The following USH2A variants were observed in gnomAD, a reference collection of about 807,000 sequenced individuals.
The protein encoded by USH2A is usherin, also known as Usher syndrome 2A (autosomal recessive, mild).
In USH2A, 443 loss-of-function variants were observed where a neutral mutation model predicts 538.9. The observed-to-expected ratio is 0.82, with a 90% confidence interval of 0.76 to 0.89. The LOEUF is 0.89. Among genes scored for constraint, USH2A ranks in the 40% least tolerant of loss-of-function variants. USH2A has a pLI of 0.00. For synonymous variants in USH2A, 2,413 were observed against 2,273.5 expected (o/e 1.06, Z -1.75); for missense variants, 6,633 against 6,324.8 (o/e 1.05, Z -1.65).
intron 49 of USH2A, among the ~76,000 whole-genome samples, chr1:215,806,854 G>C (rs969863072): frequency 2.6e-5 from 4 of 151,960 alleles, no homozygotes; most frequent in Non-Finnish European, 5.9e-5. Context: ...TCTATACTTA[G>C]CATTTTTTTC....
At chr1:215,767,988 A>T (rs1177505503) in intron 55 of USH2A, among the ~76,000 whole-genome samples, 1 of 152,128 alleles carries the variant, frequency 6.6e-6, no homozygotes, top group Non-Finnish European at 1.5e-5. Context: ...GAATCCAATG[A>T]TTGTTATGCT....
At chr1:216,200,495 A>T (rs1040048911) in intron 16 of USH2A, among the ~76,000 whole-genome samples, 4 of 152,202 alleles carry the variant, frequency 2.6e-5, no homozygotes, top group Non-Finnish European at 5.9e-5. Flanking sequence ...ACACCAGACT[A>T]AGGGTCAGTA....
At chr1:216,192,679 G>T (rs907390593) in intron 19 of USH2A, among the ~76,000 whole-genome samples, 8 of 152,032 alleles carry the variant, frequency 5.3e-5, no homozygotes, top group African/African-American at 1.9e-4. Flanking sequence ...TCAAGCCTGG[G>T]TGACAGAGCG....
chr1:216,094,060 G>GT (rs200517171), intron 22 of USH2A, among the ~76,000 whole-genome samples: 1,597 of 152,110 alleles, frequency 0.01, 28 homozygotes, highest in African/African-American at 0.037. Flanking sequence ...CCTGTGATTA[G>GT]TTTTTTTTCC....
At position 216,198,218 on chromosome 1, in the gene USH2A, C is replaced by T. The variant is rs1397082894; in HGVS notation, c.4081+97G>A. The T allele has an allele frequency of 3.8e-6, 6 of 1,570,694 alleles. No homozygotes were observed. In the Admixed American group the frequency reaches 8.8e-5, roughly 23 times the overall value. ...GGTCTATGGAAGTTTCTAATTCTTG[C>T]TTTTCAAAATGTACTTTCACAGTAC... On this transcript the variant is annotated intron_variant, in intron 18 of 71. Coordinates refer to ENST00000307340, the MANE Select transcript of USH2A (RefSeq NM_206933.4).
chr1:215,767,586 A>G (rs979873183), intron 55 of USH2A, among the ~76,000 whole-genome samples: 11 of 152,192 alleles, frequency 7.2e-5, no homozygotes, highest in African/African-American at 2.7e-4. Context: ...GTAATTGTTC[A>G]GTAAGTTTTC....
chr1:216,155,141 T>C (rs1170468617), intron 21 of USH2A, among the ~76,000 whole-genome samples: 1 of 152,150 alleles, frequency 6.6e-6, no homozygotes, highest in African/African-American at 2.4e-5. Flanking sequence ...TCCTGGACAC[T>C]GGGAGAAATT....
intron 44 of USH2A, among the ~76,000 whole-genome samples, chr1:215,864,092 C>T (rs576231069): frequency 4.6e-5 from 7 of 152,246 alleles, no homozygotes; most frequent in African/African-American, 1.7e-4. Flanking sequence ...CACTGTACTC[C>T]CTTTGGTAGG....
At chr1:215,881,461 G>A (rs183205431) in intron 41 of USH2A, among the ~76,000 whole-genome samples, 4 of 152,152 alleles carry the variant, frequency 2.6e-5, no homozygotes, top group African/African-American at 9.7e-5. Context: ...ATTTTAAGGA[G>A]CCAGTTAACT....
chr1:215,683,969 T>C (rs1354839304), intron 61 of USH2A, among the ~76,000 whole-genome samples: 2 of 67,362 alleles, frequency 3.0e-5, no homozygotes, highest in Non-Finnish European at 3.6e-5. Context: ...TCTACAAGCA[T>C]GTCAGCTACT....
intron 44 of USH2A, among the ~76,000 whole-genome samples, chr1:215,846,295 C>G (rs1383203998): frequency 1.3e-5 from 2 of 152,146 alleles, no homozygotes; most frequent in Admixed American, 1.3e-4. Flanking sequence ...TCACTGCAGC[C>G]TTGATGTCTT....
chr1:216,027,055 T>C (rs1668984051), intron 32 of USH2A, among the ~76,000 whole-genome samples: 2 of 152,180 alleles, frequency 1.3e-5, no homozygotes, highest in African/African-American at 4.8e-5. Context: ...TGCATAATCA[T>C]TGCAAAGCAG....
At chr1:215,838,854 A>C (rs1228765607) in intron 46 of USH2A, among the ~76,000 whole-genome samples, 1 of 152,226 alleles carries the variant, frequency 6.6e-6, no homozygotes, top group African/African-American at 2.4e-5. Flanking sequence ...TTAAAGGATA[A>C]ACCAAAGAGA....
At chr1:215,773,496 CTCTCTCTCTCTCTCTG>C (rs59196208) in intron 55 of USH2A, among the ~76,000 whole-genome samples, 1,647 of 143,116 alleles carry the variant, frequency 0.012, 29 homozygotes, top group African/African-American at 0.046. Context: ...CTCTCTGTCT[CTCTCTCTCTCTCTCTG>C]TCTCTCTCTC....
intron 16 of USH2A, among the ~76,000 whole-genome samples, chr1:216,202,608 A>C (rs1424694797): frequency 6.6e-6 from 1 of 152,148 alleles, no homozygotes; most frequent in African/African-American, 2.4e-5. Context: ...AAACATTTAC[A>C]GTCCTTGGCT....
chr1:215,708,157 T>C (rs1217754551), intron 61 of USH2A, among the ~76,000 whole-genome samples: 4 of 152,226 alleles, frequency 2.6e-5, no homozygotes, highest in African/African-American at 9.6e-5. Flanking sequence ...TTGTATTTTT[T>C]ATAATGGAGA....
intron 21 of USH2A, among the ~76,000 whole-genome samples, chr1:216,164,658 A>G (rs1022320368): frequency 1.3e-5 from 2 of 152,184 alleles, no homozygotes; most frequent in African/African-American, 4.8e-5. Flanking sequence ...AACAATGACA[A>G]CAAAAAACAG....
At chr1:216,412,552 A>G (rs2102775196) in intron 3 of USH2A, among the ~76,000 whole-genome samples, 1 of 152,226 alleles carries the variant, frequency 6.6e-6, no homozygotes, top group East Asian at 1.9e-4. Flanking sequence ...GCTTGTATCA[A>G]TGAGGGGTAT....
In USH2A at chr1:215,786,708, G is replaced by C. The variant is rs1258795721; in HGVS notation, c.10349C>G (p.Thr3450Ser). The C allele has an allele frequency of 5.0e-6, 8 of 1,613,988 alleles. No homozygotes were observed. Among genetic ancestry groups the C allele is most frequent in the Non-Finnish European group, 8.5e-7 (1 of 1,179,908 alleles). ...CGTGTTTACACTCCCTGTATGAATGGTTTCTTCGGCAGATGAACACATTTC... is the reference window on the plus strand; with the variant it reads ...CGTGTTTACACTCCCTGTATGAATGCTTTCTTCGGCAGATGAACACATTTC... Reference protein sequence around the residue: ...IEEMCSSAEETIHTGSVNTYS... With the variant: ...IEEMCSSAEESIHTGSVNTYS... The change falls in exon 52 of 72, where the codon ACC becomes AGC. Residue 3450 changes from threonine (T) to serine (S), a missense_variant. By Grantham distance (58) the Thr-to-Ser change is moderately conservative. Coordinates refer to ENST00000307340, the MANE Select transcript of USH2A (RefSeq NM_206933.4).
Sources: gnomAD v4.1 joint callset for allele counts (sites outside exome capture counted in the v4.1 genomes callset) on GRCh38, gnomAD v4.1.1 for gene constraint, MANE v1.5 for transcripts, NCBI Gene and HGNC (gene_info 2026-07-23, HGNC 2026-07-21) for gene names.